Variants in FAM149A observed in about 807,000 individuals in gnomAD.
FAM149A encodes family with sequence similarity 149 member A, also known as protein FAM149A.
A neutral mutation model predicts 78.2 loss-of-function variants in FAM149A; 71 were observed. The observed-to-expected ratio is 0.91, with a 90% CI of 0.75 to 1.11. The LOEUF is 1.11. Ranked by LOEUF, FAM149A falls within the 50% of genes least tolerant of loss-of-function variation. FAM149A has a pLI of 0.00. For synonymous variants in FAM149A, 446 were observed against 410.5 expected, an observed-to-expected ratio of 1.09 and a Z score of -1.04; for missense variants, 1,036 against 971.0, an observed-to-expected ratio of 1.07 and a Z score of -0.89.
At chr4:186,158,596 G>T in intron 8 of FAM149A, 1 of 204,840 alleles carries the variant, frequency 4.9e-6, no homozygotes, top group Non-Finnish European at 7.2e-6. Context: ...GCTGAGCATT[G>T]CCGCCCAGCC....
chr4:186,118,101 G>A (rs1442714194), intron 1 of FAM149A: 6 of 985,318 alleles, frequency 6.1e-6, no homozygotes, highest in Non-Finnish European at 7.2e-6. Flanking sequence ...AATATGGCAG[G>A]AAGTTAAGGA....
Position 186,104,888 on chromosome 4 carries a change from C to T in FAM149A, c.-189C>T, listed in dbSNP as rs2099308152. ...CAGCCGGGGCGCTCGGCGGACGGAC[C>T]CGGGCCGGGGAAGGGCGACCCCAGC... On this transcript the variant is annotated 5_prime_UTR_variant, in exon 1 of 14. Coordinates refer to ENST00000389354, the MANE Select transcript of FAM149A (RefSeq NM_001367768.3). 2 of 896,228 alleles carry T rather than the reference C, an allele frequency of 2.2e-6. No homozygotes were observed. Among genetic ancestry groups the T allele is most frequent in the Non-Finnish European group, 2.7e-6 (2 of 748,488 alleles). The allele number at this position is 896,228 out of a possible 1,614,324, so 55.5% of individuals were successfully genotyped here. A position where few individuals can be genotyped will look rare whatever the true frequency, so the allele number is the denominator to read the frequency against.
intron 1 of FAM149A, chr4:186,133,156 A>G (rs2099321479): frequency 2.0e-6 from 2 of 985,304 alleles, no homozygotes; most frequent in South Asian, 4.7e-5. Context: ...CCTACACACT[A>G]CATTCTGCAA....
At chr4:186,125,199 C>CAA in intron 1 of FAM149A, 1 of 955,640 alleles carries the variant, frequency 1.0e-6, no homozygotes. Flanking sequence ...GTTGGCATCT[C>CAA]ACAAACCTTT....
intron 1 of FAM149A, among the ~76,000 whole-genome samples, chr4:186,135,966 T>C (rs1026178853): frequency 2.0e-5 from 3 of 152,140 alleles, no homozygotes; most frequent in African/African-American, 7.2e-5. Flanking sequence ...GCGTGTGGAG[T>C]TGGGGCTTAC....
At chr4:186,152,932 G>A (rs1041614652) in intron 4 of FAM149A, among the ~76,000 whole-genome samples, 3 of 152,250 alleles carry the variant, frequency 2.0e-5, no homozygotes, top group Non-Finnish European at 4.4e-5. Context: ...TCTGTCTGGG[G>A]AGAATGAATC....
intron 3 of FAM149A, 100 bp from the exon 4 acceptor site, chr4:186,151,803 C>T (rs747297897): frequency 1.3e-5 from 19 of 1,514,054 alleles, no homozygotes; most frequent in Non-Finnish European, 1.6e-5. Context: ...GATGCACCCT[C>T]CTACATAGTG....
chr4:186,124,012 C>T, intron 1 of FAM149A: 1 of 985,302 alleles, frequency 1.0e-6, no homozygotes, highest in Non-Finnish European at 1.2e-6. Flanking sequence ...AGGGGCTACA[C>T]ACTCACACAG....
intron 13 of FAM149A, among the ~76,000 whole-genome samples, chr4:186,168,505 G>A (rs536411157): frequency 4.3e-4 from 66 of 152,298 alleles, no homozygotes; most frequent in African/African-American, 1.5e-3. Flanking sequence ...ACAGGCACAT[G>A]CCACGATGCC....
At chr4:186,109,598 A>G in intron 1 of FAM149A, 3 of 985,200 alleles carry the variant, frequency 3.0e-6, no homozygotes, top group Non-Finnish European at 3.6e-6. Flanking sequence ...TGGAGGTGAT[A>G]ATACTTTCTG....
At chr4:186,157,317 T>C (rs1734113064) in intron 7 of FAM149A, among the ~76,000 whole-genome samples, 1 of 152,176 alleles carries the variant, frequency 6.6e-6, no homozygotes. Context: ...AAGGAATTAG[T>C]TGGGCTTTAT....
chr4:186,160,448 C>T (rs1432124062), intron 8 of FAM149A, among the ~76,000 whole-genome samples: 3 of 149,674 alleles, frequency 2.0e-5, no homozygotes, highest in African/African-American at 4.9e-5. Context: ...ATATATCCCA[C>T]ACAAACACAC....
At position 186,144,722 on chromosome 4, in the gene FAM149A, GCGGGGC is replaced by G. The variant is rs367678629; in HGVS notation, c.567-4431_567-4426del. The G allele has an allele frequency of 0.49, 309,787 of 636,628 alleles. 71,498 individuals are homozygous for G. The highest frequency in any genetic ancestry group is 0.57 in the Middle Eastern group (731 of 1,278). 39.4% of individuals were successfully genotyped at this position (636,628 alleles called of 1,614,324 possible). A position where few individuals can be genotyped will look rare whatever the true frequency, so the allele number is the denominator to read the frequency against. On this transcript the variant is annotated intron_variant, in intron 1 of 13. Transcript: ENST00000389354. This position sits in a 1 kb window ranked among gnomAD's most constrained non-coding sequence, Gnocchi z 4.2. Reference sequence around the variant, plus strand: ...AAGGCGCGCTTTCCCGGAGGTCGGCGCGGGGCCGGGGCCGGGGCCGGGGCCCGGAGC... The same window carrying G: ...AAGGCGCGCTTTCCCGGAGGTCGGCGCGGGGCCGGGGCCGGGGCCCGGAGC...
At chr4:186,131,316 C>G (rs2099320630) in intron 1 of FAM149A, among the ~76,000 whole-genome samples, 1 of 151,214 alleles carries the variant, frequency 6.6e-6, no homozygotes, top group Non-Finnish European at 1.5e-5. Flanking sequence ...CCACTGCACT[C>G]CAGTCTGGGT....
intron 1 of FAM149A, among the ~76,000 whole-genome samples, chr4:186,136,475 C>T (rs925321671): frequency 6.6e-6 from 1 of 152,178 alleles, no homozygotes; most frequent in Non-Finnish European, 1.5e-5. Context: ...TAATTACTCT[C>T]CGTGATAAAT....
At chr4:186,160,899 G>A (rs535044213) in intron 8 of FAM149A, 4 of 983,934 alleles carry the variant, frequency 4.1e-6, no homozygotes, top group African/African-American at 1.7e-5. Context: ...AATACTCCGT[G>A]ATTGTAAATC....
At chr4:186,161,131 ATATATATTTTATAATGAGATGTGTT>A (rs1734576036) in intron 8 of FAM149A, among the ~76,000 whole-genome samples, 1 of 152,186 alleles carries the variant, frequency 6.6e-6, no homozygotes, top group Non-Finnish European at 1.5e-5. Flanking sequence ...TTTTGTAATT[ATATATATTTTATAATGAGATGTGTT>A]TTGGATCATA....
At chr4:186,136,932 ATTGATCTCTC>A (rs1446040429) in intron 1 of FAM149A, among the ~76,000 whole-genome samples, 1 of 124,550 alleles carries the variant, frequency 8.0e-6, no homozygotes, top group Admixed American at 7.9e-5. Flanking sequence ...AAATACACTG[ATTGATCTCTC>A]TCTCTCTCTC....
At position 186,136,948 on chromosome 4, in the gene FAM149A, CTCTCTCTCTCTCTCTT is replaced by C. The variant is rs1318969435; in HGVS notation, c.567-12213_567-12198del. On this transcript the variant is annotated intron_variant, in intron 1 of 13. Transcript: ENST00000389354. ...AATACACTGATTGATCTCTCTCTCT[CTCTCTCTCTCTCTCTT>C]TCTCTCTCTCTTTCTCTCTCTCTCT... Among the ~76,000 whole-genome samples, 866 of 125,464 alleles carry C rather than the reference CTCTCTCTCTCTCTCTT, an allele frequency of 6.9e-3. 16 individuals carry two copies. Among genetic ancestry groups the C allele is most frequent in the African/African-American group, 0.022 (660 of 30,220 alleles). 82.3% of individuals were successfully genotyped at this position (125,464 alleles called of 152,430 possible).
Sources: gnomAD v4.1 joint callset for allele counts (sites outside exome capture counted in the v4.1 genomes callset) on GRCh38, gnomAD v4.1.1 for gene constraint, Gnocchi (gnomAD v3.1) non-coding constraint, MANE v1.5 for transcripts, NCBI Gene and HGNC (gene_info 2026-07-23, HGNC 2026-07-21) for gene names.